Variants in DRAM2 observed in about 807,000 individuals in gnomAD.
The protein encoded by DRAM2 is DNA damage-regulated autophagy modulator protein 2.
In DRAM2, 26 loss-of-function variants were observed where a neutral mutation model predicts 33.5. The observed-to-expected ratio is 0.78, with a 90% CI of 0.57 to 1.08. DRAM2 has a LOEUF of 1.08. DRAM2 is among the 50% of genes least tolerant of loss of function. The probability of loss-of-function intolerance (pLI) is 0.00; values close to 1 mark genes in which losing one functional copy is unlikely to be tolerated. For missense variants in DRAM2, 311 were observed against 318.1 expected (o/e 0.98, Z 0.17); for synonymous variants, 98 against 109.5 (o/e 0.89, Z 0.66).
intron 8 of DRAM2, chr1:111,119,602 A>G (rs1250525374): frequency 1.3e-5 from 5 of 392,148 alleles, no homozygotes; most frequent in Non-Finnish European, 2.3e-5. Flanking sequence ...GCTATATTAT[A>G]TACTATACCC....
At chr1:111,133,683 G>A (rs1308563649) in intron 3 of DRAM2, among the ~76,000 whole-genome samples, 4 of 152,196 alleles carry the variant, frequency 2.6e-5, no homozygotes, top group Non-Finnish European at 5.9e-5. Flanking sequence ...AGGTCATAGA[G>A]CTGGATGTGG....
chr1:111,118,202 A>G lies in DRAM2; in HGVS notation c.759T>C (p.Pro253=), dbSNP rs1350477111. ...GTAGCCGTGTTCGTTCATTGTTAAT[A>G]GGGCAAGGTGCAGTGTCATAGAGGG... is the stretch of plus-strand genomic sequence containing the variant. ...GLTLYDTAPC[P]INNERTRLLS... The change falls in exon 10 of 10, where the codon CCT becomes CCC. Residue 253 remains proline, a synonymous_variant. Coordinates refer to ENST00000484310, the MANE Select transcript of DRAM2 (RefSeq NM_001349884.2). The G allele has an allele frequency of 6.2e-7, 1 of 1,613,100 alleles. No individual in the cohort carries two copies. Among genetic ancestry groups the G allele is most frequent in the Non-Finnish European group, 8.5e-7 (1 of 1,179,312 alleles).
At position 111,126,300 on chromosome 1, in the gene DRAM2, A is replaced by G. The variant is rs1651003705; in HGVS notation, c.132-6T>C. 1.9e-6 allele frequency: 3 copies of G among 1,595,430 alleles called. No homozygotes were observed. Among genetic ancestry groups the G allele is most frequent in the South Asian group, 1.1e-5 (1 of 90,144 alleles). ...GAGCTACTGTACCAGTGTCACTGAA[A>G]GAAAAAAAGGAAGGTATGTGGATTT... On this transcript the variant is annotated splice_region_variant and splice_polypyrimidine_tract_variant and intron_variant, in intron 4 of 9. Transcript: ENST00000484310.
At chr1:111,129,532 AAT>A (rs1368538397) in intron 4 of DRAM2, among the ~76,000 whole-genome samples, 2 of 152,206 alleles carry the variant, frequency 1.3e-5, no homozygotes, top group East Asian at 3.8e-4. Flanking sequence ...CCATTCATAT[AAT>A]TATGATTTCC....
rs74827377 is a variant in DRAM2 at position 111,124,759 on chromosome 1, T to C, written c.322A>G (p.Ile108Val). Residue 108 changes from isoleucine to valine, a missense_variant, in exon 6 of 10, where the codon ATT becomes GTT. Transcript: ENST00000484310. ...LGILSCLGLS[I>V]VANFQKTTLF... ...ACACAAACCTGGAAGTTTGCCACAATAGAAAGTCCTAAACAACTCAGTATT... is the reference window on the plus strand; with the variant it reads ...ACACAAACCTGGAAGTTTGCCACAACAGAAAGTCCTAAACAACTCAGTATT... The C allele has an allele frequency of 4.3e-5, 69 of 1,613,332 alleles. No individual in the cohort carries two copies. The African/African-American group carries it at 5.7e-4, about 13-fold the overall frequency.
chr1:111,122,740 G>T (rs892156482), intron 6 of DRAM2: 2 of 151,682 alleles, frequency 1.3e-5, no homozygotes, highest in African/African-American at 4.8e-5. Flanking sequence ...AATGCTACAA[G>T]GTCTGGTTAT....
At chr1:111,133,987 CTT>C (rs1324017749) in intron 3 of DRAM2, among the ~76,000 whole-genome samples, 2 of 152,176 alleles carry the variant, frequency 1.3e-5, no homozygotes, top group Non-Finnish European at 2.9e-5. Flanking sequence ...CCTCACTAAA[CTT>C]TAAGTTCTGT....
At chr1:111,132,092 C>A (rs546271732) in intron 3 of DRAM2, among the ~76,000 whole-genome samples, 10 of 152,228 alleles carry the variant, frequency 6.6e-5, no homozygotes, top group Admixed American at 4.6e-4. Context: ...CAGGAAAGAC[C>A]AAGGCATAAT....
chr1:111,127,176 T>A (rs1230708479), intron 4 of DRAM2, among the ~76,000 whole-genome samples: 1 of 152,222 alleles, frequency 6.6e-6, no homozygotes, highest in Non-Finnish European at 1.5e-5. Context: ...AGTAGCAGGC[T>A]AATGGGAGAT....
chr1:111,136,438 G>A (rs533336574), intron 3 of DRAM2, among the ~76,000 whole-genome samples: 17 of 151,952 alleles, frequency 1.1e-4, no homozygotes, highest in South Asian at 1.0e-3. Context: ...GGTGGCGTGC[G>A]CCTGTAATTC....
chr1:111,127,308 T>A (rs2798083), intron 4 of DRAM2, among the ~76,000 whole-genome samples: 23,920 of 152,012 alleles, frequency 0.16, 2,362 homozygotes, highest in Middle Eastern at 0.25. Flanking sequence ...ACTAAGACAA[T>A]GCATGGGGAT....
In DRAM2 at chr1:111,140,064, C is replaced by A. The variant is rs1436410514; in HGVS notation, c.-271G>T. The A allele has an allele frequency of 6.6e-6, 1 of 152,530 alleles. No homozygotes were observed. Among genetic ancestry groups the A allele is most frequent in the Non-Finnish European group, 1.5e-5 (1 of 68,304 alleles). The allele number at this position is 152,530 out of a possible 1,614,324, so 9.4% of individuals were successfully genotyped here. ...TTACCAGACCGACTAGCGCTGGCCG[C>A]TGGCGCCGAAGCCCCTATGCTAAAA... On this transcript the variant is annotated 5_prime_UTR_variant, in exon 1 of 10. Coordinates refer to ENST00000484310, the MANE Select transcript of DRAM2 (RefSeq NM_001349884.2).
chr1:111,118,321 C>G, intron 9 of DRAM2, 54 bp from the exon 10 acceptor site: 1 of 1,214,568 alleles, frequency 8.2e-7, no homozygotes, highest in Admixed American at 1.9e-5. Flanking sequence ...AGAGAGATCA[C>G]TCCTTCAATA....
chr1:111,131,743 A>C (rs1417853684), intron 3 of DRAM2, among the ~76,000 whole-genome samples, 175 bp from the exon 4 acceptor site: 1 of 152,110 alleles, frequency 6.6e-6, no homozygotes, highest in African/African-American at 2.4e-5. Context: ...GAGCGCAACC[A>C]AGATTCACCC....
At chr1:111,126,349 T>C in intron 4 of DRAM2, 55 bp from the exon 5 acceptor site, 1 of 1,043,752 alleles carries the variant, frequency 9.6e-7, no homozygotes, top group Non-Finnish European at 1.5e-6. Flanking sequence ...AACACATATA[T>C]TTCTTCTAAG....
Position 111,139,036 on chromosome 1 carries a change from C to T in DRAM2, c.-79+465G>A, listed in dbSNP as rs532308068. The T allele has an allele frequency of 3.3e-5, 5 of 152,296 alleles. No individual in the cohort carries two copies. In the South Asian group the frequency reaches 1.0e-3, roughly 32 times the overall value. The allele number at this position is 152,296 out of a possible 1,614,324, so 9.4% of individuals were successfully genotyped here. On this transcript the variant is annotated intron_variant, in intron 2 of 9. Coordinates refer to ENST00000484310, the MANE Select transcript of DRAM2 (RefSeq NM_001349884.2). Reference sequence around the variant, plus strand: ...TAGAGATGCACAGAACCATCAGGCTCAAATCAAAATATAATTTAAAAATAC... The same window carrying T: ...TAGAGATGCACAGAACCATCAGGCTTAAATCAAAATATAATTTAAAAATAC...
intron 8 of DRAM2, chr1:111,119,535 A>G: frequency 4.9e-6 from 1 of 203,336 alleles, no homozygotes; most frequent in Admixed American, 5.5e-5. Context: ...AAAAAGTGGG[A>G]GAAGATGTCT....
At chr1:111,128,436 A>C (rs1651450398) in intron 4 of DRAM2, among the ~76,000 whole-genome samples, 1 of 152,068 alleles carries the variant, frequency 6.6e-6, no homozygotes. Flanking sequence ...AAAGAAAATC[A>C]CATGCAGTAC....
In DRAM2 at chr1:111,117,633, T is replaced by A. The variant is rs932464835; in HGVS notation, c.*527A>T. ...ATGGAAGAGCCCACATGAATCCAGG[T>A]CTACTTTCCTTTACAGGTAGATTCC... is the stretch of plus-strand genomic sequence containing the variant. On this transcript the variant is annotated 3_prime_UTR_variant, in exon 10 of 10. Transcript: ENST00000484310. 2.6e-5 allele frequency: 4 copies of A among 155,032 alleles called. No homozygotes were observed. The highest frequency in any genetic ancestry group is 9.7e-5 in the African/African-American group (4 of 41,398). 9.6% of individuals were successfully genotyped at this position (155,032 alleles called of 1,614,324 possible). A position where few individuals can be genotyped will look rare whatever the true frequency, so the allele number is the denominator to read the frequency against.
Sources: gnomAD v4.1 joint callset for allele counts (sites outside exome capture counted in the v4.1 genomes callset) on GRCh38, gnomAD v4.1.1 for gene constraint, MANE v1.5 for transcripts, NCBI Gene and HGNC (gene_info 2026-07-23, HGNC 2026-07-21) for gene names.